EIF4A3: variants seen among roughly 807,000 people sequenced by gnomAD.
EIF4A3 encodes eukaryotic initiation factor 4A-III.
A neutral mutation model predicts 55.6 loss-of-function variants in EIF4A3; 1 was observed. The observed-to-expected ratio is 0.02, with a 90% CI of 0.01 to 0.09. The LOEUF (loss-of-function observed/expected upper bound fraction) is 0.09, where lower values mean the gene tolerates loss of function less well. Among genes scored for constraint, EIF4A3 ranks in the 10% least tolerant of loss-of-function variants. The pLI, the probability that EIF4A3 is intolerant of heterozygous loss-of-function variation, is 1.00. For synonymous variants in EIF4A3, 194 were observed against 196.3 expected, an observed-to-expected ratio of 0.99 and a Z score of 0.10; for missense variants, 221 against 540.7, an observed-to-expected ratio of 0.41 and a Z score of 5.86.
At chr17:80,137,333 T>G in intron 9 of EIF4A3, 53 bp downstream of exon 9, 1 of 1,527,840 alleles carries the variant, frequency 6.5e-7, no homozygotes, top group Non-Finnish European at 9.0e-7. Flanking sequence ...ATGAAGTGCT[T>G]AGACACAGTC....
rs1038284720 is a variant in EIF4A3, at chr17:80,135,421, G to C, written c.*69C>G. 4 of 1,513,788 alleles carry C rather than the reference G, an allele frequency of 2.6e-6. No homozygotes were observed. Among genetic ancestry groups the C allele is most frequent in the Non-Finnish European group, 3.5e-6 (4 of 1,133,772 alleles). The allele number at this position is 1,513,788 out of a possible 1,614,324, so 93.8% of individuals were successfully genotyped here. A position where few individuals can be genotyped will look rare whatever the true frequency, so the allele number is the denominator to read the frequency against. The stretch of plus-strand genomic sequence containing the variant: ...TATAAACCCCATTAAGTAGAATCTG[G>C]ATCTAAATACTTCCAAACAGGAGTA... On this transcript the variant is annotated 3_prime_UTR_variant, in exon 12 of 12. Coordinates refer to ENST00000649764, the MANE Select transcript of EIF4A3 (RefSeq NM_014740.4).
At chr17:80,137,302 G>T in intron 9 of EIF4A3, 84 bp downstream of exon 9, 1 of 1,195,014 alleles carries the variant, frequency 8.4e-7, no homozygotes, top group Non-Finnish European at 1.2e-6. Context: ...CGGGTGTGGG[G>T]CCTGCACTTA....
In EIF4A3 at chr17:80,144,207, G is replaced by A; in HGVS notation, c.207C>T (p.Ile69=). Reference sequence around the variant, plus strand: ...CATCTCTCCCTTTGATGATCTGCTTGATTGCTCGTTGCTGGATTGCTGATG... The same window carrying A: ...CATCTCTCCCTTTGATGATCTGCTTAATTGCTCGTTGCTGGATTGCTGATG... The part of the protein sequence containing the change: ...EKPSAIQQRA[I]KQIIKGRDVI... The change falls in exon 2 of 12, where the codon ATC becomes ATT. Residue 69 remains isoleucine, a synonymous_variant. Coordinates refer to ENST00000649764, the MANE Select transcript of EIF4A3 (RefSeq NM_014740.4). 4 of 1,614,066 alleles carry A rather than the reference G, an allele frequency of 2.5e-6. No individual in the cohort carries two copies. Among genetic ancestry groups the A allele is most frequent in the Non-Finnish European group, 3.4e-6 (4 of 1,180,026 alleles).
intron 6 of EIF4A3, 136 bp from the exon 7 acceptor site, chr17:80,139,298 A>T: frequency 1.7e-6 from 2 of 1,197,066 alleles, no homozygotes; most frequent in Non-Finnish European, 2.3e-6. Context: ...TCATTTTTAC[A>T]GCACCAGGCC....
Position 80,135,037 on chromosome 17 carries a change from A to G in EIF4A3, c.*453T>C, listed in dbSNP as rs2039559033. ...CATGGTGGCGGCCGCCTGTACTCCCAGCTACGTGGGAGGCTGAGGTAGGAG... is the reference window on the plus strand; with the variant it reads ...CATGGTGGCGGCCGCCTGTACTCCCGGCTACGTGGGAGGCTGAGGTAGGAG... On this transcript the variant is annotated 3_prime_UTR_variant, in exon 12 of 12. Coordinates refer to ENST00000649764, the MANE Select transcript of EIF4A3 (RefSeq NM_014740.4). Among the ~76,000 whole-genome samples, 1 of 151,954 alleles carries G rather than the reference A, an allele frequency of 6.6e-6. No homozygotes were observed.
chr17:80,139,579 G>C (rs2039601044), intron 6 of EIF4A3, 91 bp downstream of exon 6: 7 of 1,128,196 alleles, frequency 6.2e-6, no homozygotes, highest in Middle Eastern at 2.5e-4. Context: ...TTCACATTCA[G>C]AACAGTCACT....
chr17:80,145,211 T>C (rs2144004004), intron 1 of EIF4A3, among the ~76,000 whole-genome samples: 1 of 152,256 alleles, frequency 6.6e-6, no homozygotes, highest in East Asian at 1.9e-4. Context: ...TGAGATGCTT[T>C]TTCACCACGC....
intron 4 of EIF4A3, among the ~76,000 whole-genome samples, chr17:80,140,803 A>AT (rs906468662): frequency 4.9e-4 from 74 of 149,922 alleles, no homozygotes; most frequent in Admixed American, 2.6e-3. Flanking sequence ...GGTACAATTT[A>AT]TTTTTTTTTT....
intron 1 of EIF4A3, among the ~76,000 whole-genome samples, chr17:80,145,957 T>C (rs2039655359): frequency 6.6e-6 from 1 of 152,152 alleles, no homozygotes; most frequent in African/African-American, 2.4e-5. Context: ...TTTCCTCTCC[T>C]GCCTTGCCTC....
chr17:80,145,558 G>A (rs938204338), intron 1 of EIF4A3, among the ~76,000 whole-genome samples: 4 of 152,126 alleles, frequency 2.6e-5, no homozygotes, highest in African/African-American at 9.7e-5. Context: ...GAGCAGGACT[G>A]TCAGAAGGAA....
At chr17:80,136,447 A>G (rs942583608) in intron 9 of EIF4A3, 112 bp from the exon 10 acceptor site, 1 of 785,024 alleles carries the variant, frequency 1.3e-6, no homozygotes, top group South Asian at 1.8e-5. Context: ...AAAATATACG[A>G]GATTCTCCTC....
rs971401163 is a variant in EIF4A3 at position 80,134,643 on chromosome 17, G to C, written c.*847C>G. Among the ~76,000 whole-genome samples the C allele has an allele frequency of 4.6e-5, 7 of 152,136 alleles. No homozygotes were observed. Among genetic ancestry groups the C allele is most frequent in the African/African-American group, 1.7e-4 (7 of 41,444 alleles). On this transcript the variant is annotated 3_prime_UTR_variant, in exon 12 of 12. Coordinates refer to ENST00000649764, the MANE Select transcript of EIF4A3 (RefSeq NM_014740.4). ...GTGACAGACCAGCCTAGGCCACAAAGTGAGACCCTGTCTCTACAAAAAATT... is the reference window on the plus strand; with the variant it reads ...GTGACAGACCAGCCTAGGCCACAAACTGAGACCCTGTCTCTACAAAAAATT...
At chr17:80,142,190 G>A (rs536764130) in intron 2 of EIF4A3, among the ~76,000 whole-genome samples, 1 of 152,326 alleles carries the variant, frequency 6.6e-6, no homozygotes, top group East Asian at 1.9e-4. Flanking sequence ...CTCTTCCAAA[G>A]AAATTTTTGT....
chr17:80,139,759 T>C lies in EIF4A3; in HGVS notation c.506-9A>G. ...TCTGCGACGAATCATATCTATAACA[T>C]GAGATTTTGAAATACTTACGACAAA... On this transcript the variant is annotated splice_polypyrimidine_tract_variant and intron_variant, in intron 5 of 11. Transcript: ENST00000649764. 6.2e-7 allele frequency: 1 copy of C among 1,611,294 alleles called. No homozygotes were observed. Among genetic ancestry groups the C allele is most frequent in the South Asian group, 1.1e-5 (1 of 90,408 alleles).
At position 80,147,033 on chromosome 17, in the gene EIF4A3, C is replaced by G. The variant is rs1329542181; in HGVS notation, c.-72G>C. 1.4e-6 allele frequency: 2 copies of G among 1,385,218 alleles called. No homozygotes were observed. Among genetic ancestry groups the G allele is most frequent in the Non-Finnish European group, 1.9e-6 (2 of 1,071,416 alleles). 85.8% of individuals were successfully genotyped at this position (1,385,218 alleles called of 1,614,324 possible). The stretch of plus-strand genomic sequence containing the variant: ...GCTGCCGCTGCCGACCTCGCTGTGC[C>G]GCTGCCGACCTCGCTGCCGCTGCCG... On this transcript the variant is annotated 5_prime_UTR_variant, in exon 1 of 12. Transcript: ENST00000649764.
At chr17:80,146,759 C>T (rs752713924) in intron 1 of EIF4A3, 34 bp downstream of exon 1, 2 of 1,594,986 alleles carry the variant, frequency 1.3e-6, no homozygotes, top group Admixed American at 1.7e-5. Flanking sequence ...CCCGACTCGC[C>T]CCCGGCTGGC....
intron 4 of EIF4A3, among the ~76,000 whole-genome samples, chr17:80,140,837 C>T (rs1218631017): frequency 1.3e-5 from 2 of 151,738 alleles, no homozygotes; most frequent in Non-Finnish European, 2.9e-5. Flanking sequence ...ACTCTTCTTG[C>T]CCAGACTAGA....
chr17:80,141,406 T>C (rs772148224), intron 3 of EIF4A3, 25 bp from the exon 4 acceptor site: 16 of 1,609,940 alleles, frequency 9.9e-6, no homozygotes, highest in Admixed American at 6.7e-5. Context: ...TATCAGAAAA[T>C]AGAGAATCCG....
At chr17:80,139,643 G>C in intron 6 of EIF4A3, 27 bp downstream of exon 6, 1 of 1,582,950 alleles carries the variant, frequency 6.3e-7, no homozygotes, top group Non-Finnish European at 8.7e-7. Context: ...TATGTCAGTA[G>C]AAGAGTAATT....
Sources: gnomAD v4.1 joint callset for allele counts (sites outside exome capture counted in the v4.1 genomes callset) on GRCh38, gnomAD v4.1.1 for gene constraint, MANE v1.5 for transcripts, NCBI Gene and HGNC (gene_info 2026-07-23, HGNC 2026-07-21) for gene names.